LYPLA1: variants seen among roughly 807,000 people sequenced by gnomAD.
LYPLA1 encodes the protein lysophospholipase 1, also known as acyl-protein thioesterase 1.
LYPLA1 carries 17 observed loss-of-function variants against 34.0 expected under a neutral mutation model. That is an observed-to-expected ratio of 0.50 (90% CI 0.34 to 0.75). The LOEUF is 0.75. LYPLA1 is among the 30% of genes least tolerant of loss of function. The pLI is 0.01. For missense variants in LYPLA1, 203 were observed against 288.8 expected (o/e 0.70, Z 2.15); for synonymous variants, 98 against 100.8 (o/e 0.97, Z 0.17).
chr8:54,072,840 C>T (rs1033353178), intron 2 of LYPLA1, among the ~76,000 whole-genome samples: 1 of 149,438 alleles, frequency 6.7e-6, no homozygotes, highest in African/African-American at 2.5e-5. Context: ...ATTAGCCAGG[C>T]GTGGTGGTGC....
chr8:54,048,568 T>G (rs1805628641), intron 8 of LYPLA1, among the ~76,000 whole-genome samples: 1 of 152,228 alleles, frequency 6.6e-6, no homozygotes, highest in African/African-American at 2.4e-5. Flanking sequence ...AACCATTTGA[T>G]AGAGAGCATG....
chr8:54,089,492 T>TGGGG lies in LYPLA1; in HGVS notation c.101+11412_101+11415dup, dbSNP rs751485556. On this transcript the variant is annotated intron_variant, in intron 2 of 8. Transcript: ENST00000316963. ...TACTCTCTGTGATTTCAGACATCCC[T>TGGGG]GGGGGGGGGCGGGATCTTTGAACAT... 2.1e-3 allele frequency among the ~76,000 whole-genome samples: 211 copies of TGGGG among 102,556 alleles called. 4 individuals carry two copies. Among genetic ancestry groups the TGGGG allele is most frequent in the African/African-American group, 3.1e-3 (56 of 18,128 alleles). 67.3% of individuals were successfully genotyped at this position (102,556 alleles called of 152,430 possible).
intron 2 of LYPLA1, among the ~76,000 whole-genome samples, chr8:54,099,980 G>A (rs946097679): frequency 2.6e-5 from 4 of 151,984 alleles, no homozygotes; most frequent in East Asian, 1.9e-4. Context: ...CACCGCGCCC[G>A]GCCCCAATGG....
chr8:54,057,158 A>C (rs1481941252), intron 5 of LYPLA1, among the ~76,000 whole-genome samples: 1 of 152,192 alleles, frequency 6.6e-6, no homozygotes, highest in Non-Finnish European at 1.5e-5. Context: ...TGTTGGTGGG[A>C]ATGTAAATTA....
chr8:54,063,834 A>G (rs935572095), intron 3 of LYPLA1, among the ~76,000 whole-genome samples: 1 of 152,232 alleles, frequency 6.6e-6, no homozygotes, highest in Non-Finnish European at 1.5e-5. Context: ...AGAGACCTCT[A>G]AATAAATAAG....
intron 2 of LYPLA1, among the ~76,000 whole-genome samples, chr8:54,092,209 G>A (rs560789906): frequency 4.0e-5 from 6 of 150,482 alleles, no homozygotes; most frequent in East Asian, 2.0e-4. Context: ...GGAGAAAGAC[G>A]GAAGAGAAGG....
At chr8:54,062,560 G>A (rs1249305533) in intron 4 of LYPLA1, among the ~76,000 whole-genome samples, 1 of 151,754 alleles carries the variant, frequency 6.6e-6, no homozygotes, top group Non-Finnish European at 1.5e-5. Flanking sequence ...TGCTCAGGCT[G>A]AAGTGCAGTG....
In LYPLA1 at chr8:54,065,747, C is replaced by A. The variant is rs1346569181; in HGVS notation, c.167+1G>T. 2 of 1,612,690 alleles carry A rather than the reference C, an allele frequency of 1.2e-6. No individual in the cohort carries two copies. The highest frequency in any genetic ancestry group is 2.2e-5 in the East Asian group (1 of 44,862). The stretch of plus-strand genomic sequence containing the variant: ...CAAGCCTGAAGATCAGAAATACTCA[C>A]GCATGCGGGCAGATATATTTGATAT... On this transcript the variant is annotated splice_donor_variant, in intron 3 of 8. Transcript: ENST00000316963. LOFTEE classifies it high-confidence loss of function.
chr8:54,089,421 C>T (rs1809042122), intron 2 of LYPLA1, among the ~76,000 whole-genome samples: 1 of 145,240 alleles, frequency 6.9e-6, no homozygotes, highest in African/African-American at 2.6e-5. Context: ...TAAACTTTAT[C>T]ACAGGTATGC....
intron 2 of LYPLA1, among the ~76,000 whole-genome samples, chr8:54,074,204 G>T (rs1211189487): frequency 6.6e-6 from 1 of 152,200 alleles, no homozygotes; most frequent in African/African-American, 2.4e-5. Context: ...AACCCGGGAG[G>T]CAGAGCTTGC....
intron 6 of LYPLA1, chr8:54,054,467 C>A (rs1244304922): frequency 6.6e-6 from 1 of 151,792 alleles, no homozygotes; most frequent in South Asian, 2.1e-4. Context: ...TAAGGTAATC[C>A]AAACATCTCC....
chr8:54,065,454 T>C (rs1356617331), intron 3 of LYPLA1, among the ~76,000 whole-genome samples: 1 of 100,352 alleles, frequency 1.0e-5, no homozygotes, highest in Non-Finnish European at 1.9e-5. Context: ...TGAGACTCTG[T>C]CTCAAAAATA....
intron 6 of LYPLA1, chr8:54,054,399 A>C (rs1387643502): frequency 6.6e-6 from 1 of 152,358 alleles, no homozygotes; most frequent in Non-Finnish European, 1.5e-5. Flanking sequence ...TGTATCAACA[A>C]ATCTTTCTAC....
chr8:54,057,308 G>C (rs1806274376), intron 5 of LYPLA1, among the ~76,000 whole-genome samples: 1 of 151,850 alleles, frequency 6.6e-6, no homozygotes. Context: ...ATATCTTTTG[G>C]GATATATACC....
chr8:54,086,399 GAGAAACACCCA>G (rs1324944648), intron 2 of LYPLA1, among the ~76,000 whole-genome samples: 3 of 107,540 alleles, frequency 2.8e-5, no homozygotes, highest in Non-Finnish European at 5.4e-5. Context: ...CCCCCTCTCC[GAGAAACACCCA>G]AGAATGATCA....
chr8:54,051,804 G>T (rs774308663), intron 7 of LYPLA1, among the ~76,000 whole-genome samples: 21 of 149,802 alleles, frequency 1.4e-4, no homozygotes, highest in Non-Finnish European at 3.0e-4. Context: ...TGTTTGTTTG[G>T]TTGGTTGTTT....
At chr8:54,083,247 C>A (rs878902720) in intron 2 of LYPLA1, among the ~76,000 whole-genome samples, 10 of 152,152 alleles carry the variant, frequency 6.6e-5, no homozygotes, top group Admixed American at 5.2e-4. Context: ...CTGCTGTGCT[C>A]TATATTTGAA....
chr8:54,044,572 A>G (rs1272750065), downstream of LYPLA1, among the ~76,000 whole-genome samples: 1 of 151,938 alleles, frequency 6.6e-6, no homozygotes, highest in Non-Finnish European at 1.5e-5. Context: ...CCACTTCCCT[A>G]TGCTGGGGGG....
chr8:54,093,884 T>C (rs921215729), intron 2 of LYPLA1, among the ~76,000 whole-genome samples: 1 of 152,238 alleles, frequency 6.6e-6, no homozygotes, highest in Non-Finnish European at 1.5e-5. Flanking sequence ...TATATGCCAG[T>C]GGGCTGCCCT....
Sources: allele counts gnomAD v4.1 joint callset (sites outside exome capture counted in the v4.1 genomes callset), GRCh38; gene constraint gnomAD v4.1.1; transcripts MANE v1.5; gene names NCBI Gene and HGNC (gene_info 2026-07-23, HGNC 2026-07-21).